The following MECOM variants were observed in gnomAD, a reference collection of about 807,000 sequenced individuals.
MECOM encodes the protein MDS1 and EVI1 complex locus.
MECOM carries 13 observed loss-of-function variants against 116.3 expected under a neutral mutation model. The observed-to-expected ratio is 0.11, with a 90% CI of 0.07 to 0.18. The LOEUF (loss-of-function observed/expected upper bound fraction) is 0.18, where lower values mean the gene tolerates loss of function less well. MECOM is among the 10% of genes least tolerant of loss of function. The pLI is 1.00. For missense variants in MECOM, 1,299 were observed against 1,509.0 expected, an observed-to-expected ratio of 0.86 and a Z score of 2.31; for synonymous variants, 528 against 535.2, an observed-to-expected ratio of 0.99 and a Z score of 0.19.
chr3:169,341,806 A>G (rs1364065478), intron 2 of MECOM, among the ~76,000 whole-genome samples: 2 of 152,042 alleles, frequency 1.3e-5, no homozygotes, highest in Non-Finnish European at 2.9e-5. Context: ...TCTATAATGA[A>G]CAATAACTTA....
intron 1 of MECOM, among the ~76,000 whole-genome samples, chr3:169,508,877 G>A (rs1354229827): frequency 6.6e-6 from 1 of 152,080 alleles, no homozygotes; most frequent in Non-Finnish European, 1.5e-5. Context: ...CAATGCCTTA[G>A]TTAAACATAT....
At chr3:169,487,427 C>T (rs890134172) in intron 1 of MECOM, among the ~76,000 whole-genome samples, 1 of 151,816 alleles carries the variant, frequency 6.6e-6, no homozygotes, top group African/African-American at 2.4e-5. Flanking sequence ...ACAGTGTTTC[C>T]ATATTTCAGA....
At chr3:169,269,850 T>C (rs1227655703) in intron 2 of MECOM, among the ~76,000 whole-genome samples, 1 of 152,176 alleles carries the variant, frequency 6.6e-6, no homozygotes, top group East Asian at 1.9e-4. Flanking sequence ...TTCTTCAATT[T>C]TATTCAAACT....
rs758987570 is a variant in MECOM at position 169,131,504 on chromosome 3, C to G, written c.538G>C (p.Ala180Pro). Residue 180 changes from alanine (A) to proline (P), a missense_variant, in exon 4 of 17, where the codon GCG becomes CCG. This residue lies in a region of MECOM where 374 missense variants were observed against 433.4 expected (regional missense o/e 0.86). Coordinates refer to ENST00000651503, the MANE Select transcript of MECOM (RefSeq NM_004991.4). ...AACAGCAGAAGCTCCTCTCCCGGCGCAATGTCTGCAACTACTCTATAGAAT... is the reference window on the plus strand; with the variant it reads ...AACAGCAGAAGCTCCTCTCCCGGCGGAATGTCTGCAACTACTCTATAGAAT... The part of the protein sequence containing the change: ...QIFYRVVADI[A>P]PGEELLLFMK... The G allele has an allele frequency of 2.4e-5, 39 of 1,613,504 alleles. No individual in the cohort carries two copies. In the South Asian group the frequency reaches 4.1e-4, roughly 17 times the overall value.
intron 1 of MECOM, among the ~76,000 whole-genome samples, chr3:169,420,002 G>A (rs1252948936): frequency 1.3e-5 from 2 of 152,074 alleles, no homozygotes; most frequent in East Asian, 3.9e-4. Flanking sequence ...ACAAACATAT[G>A]AATAAAAGCT....
At chr3:169,178,987 A>G (rs1257998569) in intron 2 of MECOM, among the ~76,000 whole-genome samples, 2 of 152,228 alleles carry the variant, frequency 1.3e-5, no homozygotes, top group Non-Finnish European at 2.9e-5. Flanking sequence ...TTAATATACT[A>G]CGCCCACAAT....
Position 169,084,229 on chromosome 3 carries a change from C to A in MECOM, c.*680G>T, listed in dbSNP as rs935731093. ...GGCAAACAATTTATTAGTGGTACAGCGGTACTGGTGATGAATAGGTTACTT... is the reference window on the plus strand; with the variant it reads ...GGCAAACAATTTATTAGTGGTACAGAGGTACTGGTGATGAATAGGTTACTT... On this transcript the variant is annotated 3_prime_UTR_variant, in exon 17 of 17. Coordinates refer to ENST00000651503, the MANE Select transcript of MECOM (RefSeq NM_004991.4). The A allele has an allele frequency of 1.3e-5, 3 of 231,188 alleles. No individual in the cohort carries two copies. Among genetic ancestry groups the A allele is most frequent in the Non-Finnish European group, 2.6e-5 (3 of 116,878 alleles). The allele number at this position is 231,188 out of a possible 1,614,324, so 14.3% of individuals were successfully genotyped here. A position where few individuals can be genotyped will look rare whatever the true frequency, so the allele number is the denominator to read the frequency against.
At position 169,322,107 on chromosome 3, in the gene MECOM, A is replaced by G. The variant is rs568421494; in HGVS notation, c.375+59080T>C. Among the ~76,000 whole-genome samples, 111 of 152,314 alleles carry G rather than the reference A, an allele frequency of 7.3e-4. 1 individual carries two copies. In the South Asian group the frequency reaches 0.022, roughly 30 times the overall value. On this transcript the variant is annotated intron_variant, in intron 2 of 16. Transcript: ENST00000651503. The stretch of plus-strand genomic sequence containing the variant: ...CACCATCATTTATTTCTGAACTATA[A>G]GAAGTTACTTGAATTTCTGGTGGTG...
chr3:169,463,716 C>T (rs539925096), intron 1 of MECOM, among the ~76,000 whole-genome samples: 31 of 152,072 alleles, frequency 2.0e-4, no homozygotes, highest in Middle Eastern at 3.4e-3. Flanking sequence ...TCAAGTTATA[C>T]GTTTAATTTT....
chr3:169,543,511 T>C, intron 1 of MECOM, among the ~76,000 whole-genome samples: 1 of 152,136 alleles, frequency 6.6e-6, no homozygotes, highest in East Asian at 1.9e-4. Context: ...TGAGTTATGA[T>C]CACACCACTA....
At chr3:169,656,244 G>A (rs1158754194) in intron 1 of MECOM, among the ~76,000 whole-genome samples, 2 of 152,142 alleles carry the variant, frequency 1.3e-5, no homozygotes, top group Admixed American at 6.6e-5. Context: ...ACAAGGTTTA[G>A]GAAATGTTGG....
At chr3:169,513,102 A>G (rs2109035612) in intron 1 of MECOM, among the ~76,000 whole-genome samples, 1 of 152,336 alleles carries the variant, frequency 6.6e-6, no homozygotes, top group Non-Finnish European at 1.5e-5. Flanking sequence ...CGGGATGACA[A>G]TGAAATGCTG....
At position 169,217,266 on chromosome 3, in the gene MECOM, CT is replaced by C. The variant is rs149719321; in HGVS notation, c.376-73435del. ...TGAACTATAGCTAGACTCTTGGAGT[CT>C]TTTTTTTTTAATAAAACATTTTTGT... On this transcript the variant is annotated intron_variant, in intron 2 of 16. Transcript: ENST00000651503. Among the ~76,000 whole-genome samples the C allele has an allele frequency of 4.2e-3, 620 of 147,730 alleles. 4 individuals carry two copies. Among genetic ancestry groups the C allele is most frequent in the African/African-American group, 0.015 (589 of 40,264 alleles).
intron 2 of MECOM, among the ~76,000 whole-genome samples, chr3:169,210,659 G>A (rs935846472): frequency 6.6e-6 from 1 of 152,054 alleles, no homozygotes; most frequent in South Asian, 2.1e-4. Context: ...TTCACATTAA[G>A]TAGGCTGATA....
intron 2 of MECOM, among the ~76,000 whole-genome samples, chr3:169,270,428 T>C (rs1758804193): frequency 6.6e-6 from 1 of 152,046 alleles, no homozygotes; most frequent in African/African-American, 2.4e-5. Flanking sequence ...ATTTATAATA[T>C]TTATGTATTT....
intron 2 of MECOM, among the ~76,000 whole-genome samples, chr3:169,363,901 C>A (rs558476972): frequency 3.9e-5 from 6 of 152,074 alleles, no homozygotes; most frequent in Admixed American, 2.0e-4. Flanking sequence ...TATTTTGTTT[C>A]TCCTCATTAA....
chr3:169,293,655 G>C (rs1307637627), intron 2 of MECOM, among the ~76,000 whole-genome samples: 1 of 152,092 alleles, frequency 6.6e-6, no homozygotes, highest in Non-Finnish European at 1.5e-5. Context: ...TTTCTTGATA[G>C]CAGTTATTAT....
intron 1 of MECOM, among the ~76,000 whole-genome samples, chr3:169,477,822 C>T (rs1326958678): frequency 2.0e-5 from 3 of 152,132 alleles, no homozygotes; most frequent in African/African-American, 4.8e-5. Context: ...TACACGGCTT[C>T]AATAAGACAT....
At chr3:169,221,040 C>CTGTT (rs1199753352) in intron 2 of MECOM, among the ~76,000 whole-genome samples, 1 of 152,190 alleles carries the variant, frequency 6.6e-6, no homozygotes, top group African/African-American at 2.4e-5. Context: ...TAGAATCAGG[C>CTGTT]TGTTTGGATT....
Sources: allele counts gnomAD v4.1 joint callset (sites outside exome capture counted in the v4.1 genomes callset), GRCh38; gene constraint gnomAD v4.1.1; regional missense constraint gnomAD v4.1.1; transcripts MANE v1.5; gene names NCBI Gene and HGNC (gene_info 2026-07-23, HGNC 2026-07-21).